Variants in NUDT21 observed in about 807,000 individuals in gnomAD.
NUDT21 encodes the protein cleavage and polyadenylation specificity factor subunit 5.
A neutral mutation model predicts 29.8 loss-of-function variants in NUDT21; 5 were observed. The ratio of observed to expected loss-of-function variants is 0.17; its 90% CI spans 0.09 to 0.35. The LOEUF (loss-of-function observed/expected upper bound fraction) is 0.35, where lower values mean the gene tolerates loss of function less well. Ranked by LOEUF, NUDT21 falls within the 10% of genes least tolerant of loss-of-function variation. The probability of loss-of-function intolerance (pLI) is 1.00; values close to 1 mark genes in which losing one functional copy is unlikely to be tolerated. For synonymous variants in NUDT21, 113 were observed against 98.5 expected, an observed-to-expected ratio of 1.15 and a Z score of -0.87; for missense variants, 76 against 276.0, an observed-to-expected ratio of 0.28 and a Z score of 5.13.
chr16:56,434,457 C>T lies in NUDT21; in HGVS notation c.548-12G>A, dbSNP rs758214482. On this transcript the variant is annotated splice_polypyrimidine_tract_variant and intron_variant, in intron 5 of 6. Coordinates refer to ENST00000300291, the MANE Select transcript of NUDT21 (RefSeq NM_007006.3). ...GACTGCAAACAAGGCTAAAATAAAACAGAATTCATTATTATAAGTTATTAT... is the reference window on the plus strand; with the variant it reads ...GACTGCAAACAAGGCTAAAATAAAATAGAATTCATTATTATAAGTTATTAT... The T allele has an allele frequency of 1.4e-6, 2 of 1,452,542 alleles. No homozygotes were observed. The highest frequency in any genetic ancestry group is 1.2e-5 in the South Asian group (1 of 86,848). 90.0% of individuals were successfully genotyped at this position (1,452,542 alleles called of 1,614,324 possible). A position where few individuals can be genotyped will look rare whatever the true frequency, so the allele number is the denominator to read the frequency against.
intron 6 of NUDT21, among the ~76,000 whole-genome samples, chr16:56,433,707 A>G (rs142358867): frequency 6.6e-6 from 1 of 152,004 alleles, no homozygotes; most frequent in East Asian, 1.9e-4. Context: ...TCTTTTTTTT[A>G]GATGGAGTCT....
chr16:56,435,147 G>A lies in NUDT21; in HGVS notation c.472-318C>T, dbSNP rs573168124. Reference sequence around the variant, plus strand: ...TTTTGTTTGTTTGTTTTTTAAGACAGAGTTTTGCTCTTGTTGCCTAGGCTG... The same window carrying A: ...TTTTGTTTGTTTGTTTTTTAAGACAAAGTTTTGCTCTTGTTGCCTAGGCTG... On this transcript the variant is annotated intron_variant, in intron 4 of 6. Coordinates refer to ENST00000300291, the MANE Select transcript of NUDT21 (RefSeq NM_007006.3). The A allele has an allele frequency of 5.6e-5, 10 of 177,578 alleles. No homozygotes were observed. In the South Asian group the frequency reaches 1.4e-3, roughly 25 times the overall value. The allele number at this position is 177,578 out of a possible 1,614,324, so 11.0% of individuals were successfully genotyped here.
chr16:56,441,783 C>A (rs1283684899), intron 3 of NUDT21, among the ~76,000 whole-genome samples: 1 of 152,228 alleles, frequency 6.6e-6, no homozygotes, highest in Non-Finnish European at 1.5e-5. Context: ...TAATAACTTT[C>A]ATTTCCTTTG....
At chr16:56,434,019 T>G (rs1962066021) in intron 6 of NUDT21, among the ~76,000 whole-genome samples, 1 of 152,198 alleles carries the variant, frequency 6.6e-6, no homozygotes, top group Non-Finnish European at 1.5e-5. Context: ...ACAACTCCGC[T>G]CATATTTACA....
At chr16:56,439,555 GA>G (rs1301237263) in intron 4 of NUDT21, 101 bp downstream of exon 4, 3 of 822,442 alleles carry the variant, frequency 3.6e-6, no homozygotes, top group East Asian at 4.9e-5. Context: ...GGGAAGAAAA[GA>G]AAATTTCAAG....
intron 4 of NUDT21, 185 bp downstream of exon 4, chr16:56,439,472 G>A (rs1369922967): frequency 8.7e-6 from 5 of 575,504 alleles, no homozygotes; most frequent in Admixed American, 5.8e-5. Flanking sequence ...CACCTCGCCC[G>A]GCCTTGTATT....
chr16:56,434,749 C>G lies in NUDT21; in HGVS notation c.547+5G>C. ...ATGGCTACCTTTGAAAACAAAATAACTTACCTTTTTCTTGAAGCTGAACCA... is the reference window on the plus strand; with the variant it reads ...ATGGCTACCTTTGAAAACAAAATAAGTTACCTTTTTCTTGAAGCTGAACCA... On this transcript the variant is annotated splice_donor_5th_base_variant and intron_variant, in intron 5 of 6. Coordinates refer to ENST00000300291, the MANE Select transcript of NUDT21 (RefSeq NM_007006.3). The G allele has an allele frequency of 6.4e-7, 1 of 1,570,410 alleles. No homozygotes were observed. The highest frequency in any genetic ancestry group is 8.8e-7 in the Non-Finnish European group (1 of 1,141,636).
At chr16:56,439,505 T>C (rs1438470240) in intron 4 of NUDT21, 152 bp downstream of exon 4, 1 of 680,688 alleles carries the variant, frequency 1.5e-6, no homozygotes, top group African/African-American at 1.8e-5. Context: ...TCCTTTAAAA[T>C]AAGAAGTGCT....
At chr16:56,441,163 C>T (rs958148030) in intron 3 of NUDT21, among the ~76,000 whole-genome samples, 1 of 152,028 alleles carries the variant, frequency 6.6e-6, no homozygotes, top group Non-Finnish European at 1.5e-5. Context: ...CCCCACAAAG[C>T]ACTGGGATTA....
intron 3 of NUDT21, among the ~76,000 whole-genome samples, chr16:56,440,351 C>T (rs1331908304): frequency 6.6e-6 from 1 of 152,232 alleles, no homozygotes. Context: ...AATACCAAGA[C>T]AAGATTATTA....
At position 56,446,647 on chromosome 16, in the gene NUDT21, T is replaced by G. The variant is rs768435570; in HGVS notation, c.360A>C (p.Gly120=). Residue 120 remains glycine, a synonymous_variant, in exon 3 of 7, where the codon GGA becomes GGC. Transcript: ENST00000300291. The stretch of plus-strand genomic sequence containing the variant: ...ATACCTCTGTCATTAAGCGTTTTAG[T>G]CCTTCAACTTCATCTTCTCCTGGGT... ...ELNPGEDEVE[G]LKRLMTEILG... is the part of the protein sequence containing the mutation. The G allele has an allele frequency of 7.5e-6, 12 of 1,606,464 alleles. No individual in the cohort carries two copies. Among genetic ancestry groups the G allele is most frequent in the Non-Finnish European group, 1.0e-5 (12 of 1,175,396 alleles).
In NUDT21 at chr16:56,439,720, C is replaced by T. The variant is rs375471915; in HGVS notation, c.408G>A (p.Leu136=). ...TEILGRQDGV[L]QDWVIDDCIG... ...TGCAATCGTCAATGACCCAGTCTTGCAAAACTCCATCCTGACGACCCAGTA... is the reference window on the plus strand; with the variant it reads ...TGCAATCGTCAATGACCCAGTCTTGTAAAACTCCATCCTGACGACCCAGTA... Residue 136 remains leucine (L), a synonymous_variant, in exon 4 of 7, where the codon TTG becomes TTA. Coordinates refer to ENST00000300291, the MANE Select transcript of NUDT21 (RefSeq NM_007006.3). 362 of 1,613,936 alleles carry T rather than the reference C, an allele frequency of 2.2e-4. 1 individual carries two copies. Among genetic ancestry groups the T allele is most frequent in the Non-Finnish European group, 2.9e-4 (340 of 1,179,952 alleles).
At chr16:56,448,210 C>T (rs1369353453) in intron 1 of NUDT21, among the ~76,000 whole-genome samples, 1 of 152,188 alleles carries the variant, frequency 6.6e-6, no homozygotes, top group East Asian at 1.9e-4. Flanking sequence ...CTCCTCCATA[C>T]TTTAACTTTC....
intron 3 of NUDT21, among the ~76,000 whole-genome samples, chr16:56,442,203 C>T (rs1193671582): frequency 6.6e-6 from 1 of 152,210 alleles, no homozygotes; most frequent in East Asian, 1.9e-4. Context: ...TTTCTATCAT[C>T]CTGCTGTAAT....
At chr16:56,449,993 C>T (rs1217707627) in intron 1 of NUDT21, among the ~76,000 whole-genome samples, 2 of 152,166 alleles carry the variant, frequency 1.3e-5, no homozygotes, top group African/African-American at 4.8e-5. Context: ...CAAGCCAACA[C>T]GTTTTGCAAA....
chr16:56,432,763 TA>T, intron 6 of NUDT21, 30 bp from the exon 7 acceptor site: 1 of 1,507,700 alleles, frequency 6.6e-7, no homozygotes, highest in Non-Finnish European at 9.2e-7. Context: ...ATACCTTTAT[TA>T]AAGACAGTAC....
intron 3 of NUDT21, among the ~76,000 whole-genome samples, chr16:56,445,609 T>C (rs1325908061): frequency 6.6e-6 from 1 of 152,236 alleles, no homozygotes; most frequent in Non-Finnish European, 1.5e-5. Flanking sequence ...TTTCAGCCCA[T>C]GCATGCCCCC....
chr16:56,438,295 T>C (rs1962126206), intron 4 of NUDT21, among the ~76,000 whole-genome samples: 1 of 152,192 alleles, frequency 6.6e-6, no homozygotes, highest in Admixed American at 6.5e-5. Flanking sequence ...CAGCCTTGGG[T>C]AAGCCAGCTG....
At chr16:56,449,903 C>T (rs1962264973) in intron 1 of NUDT21, among the ~76,000 whole-genome samples, 1 of 152,168 alleles carries the variant, frequency 6.6e-6, no homozygotes, top group South Asian at 2.1e-4. Context: ...CGTGAGCCGC[C>T]ACTCCTGAGA....
Sources: gnomAD v4.1 joint callset for allele counts (sites outside exome capture counted in the v4.1 genomes callset) on GRCh38, gnomAD v4.1.1 for gene constraint, MANE v1.5 for transcripts, NCBI Gene and HGNC (gene_info 2026-07-23, HGNC 2026-07-21) for gene names.